The following ACIN1 variants were observed in gnomAD, a reference collection of about 807,000 sequenced individuals.
ACIN1 encodes apoptotic chromatin condensation inducer in the nucleus.
A neutral mutation model predicts 146.6 loss-of-function variants in ACIN1; 16 were observed. That is an observed-to-expected ratio of 0.11 (90% confidence interval 0.07 to 0.17). ACIN1 has a LOEUF of 0.17. Among genes scored for constraint, ACIN1 ranks in the 10% least tolerant of loss-of-function variants. The pLI, the probability that ACIN1 is intolerant of heterozygous loss-of-function variation, is 1.00. For synonymous variants in ACIN1, 569 were observed against 582.7 expected (o/e 0.98, Z 0.34); for missense variants, 1,357 against 1,609.3 (o/e 0.84, Z 2.68).
intron 14 of ACIN1, 84 bp from the exon 15 acceptor site, chr14:23,062,607 G>T: frequency 7.6e-7 from 1 of 1,319,650 alleles, no homozygotes; most frequent in Non-Finnish European, 1.1e-6. Flanking sequence ...GCTGTCACAG[G>T]AGTATAGTTT....
chr14:23,086,108 T>C (rs2140206613), intron 4 of ACIN1, among the ~76,000 whole-genome samples: 1 of 152,152 alleles, frequency 6.6e-6, no homozygotes, highest in Non-Finnish European at 1.5e-5. Flanking sequence ...TAACCTTAGG[T>C]GTGAATAAGA....
intron 5 of ACIN1, 137 bp from the exon 6 acceptor site, chr14:23,080,946 G>A (rs2047928550): frequency 1.6e-5 from 23 of 1,458,020 alleles, no homozygotes; most frequent in Non-Finnish European, 2.1e-5. Flanking sequence ...AGGAGTGACA[G>A]GAGACAATCA....
intron 8 of ACIN1, chr14:23,071,677 G>GGGAGCC: frequency 9.9e-7 from 1 of 1,010,462 alleles, no homozygotes; most frequent in Non-Finnish European, 1.4e-6. Flanking sequence ...GCAGGCCACA[G>GGGAGCC]GGAGCCGACT....
intron 3 of ACIN1, among the ~76,000 whole-genome samples, 175 bp from the exon 4 acceptor site, chr14:23,090,276 T>G (rs978764725): frequency 6.6e-6 from 1 of 152,218 alleles, no homozygotes; most frequent in South Asian, 2.1e-4. Flanking sequence ...ATCTAAATGG[T>G]AGCTTAATTT....
Position 23,079,848 on chromosome 14 carries a change from T to G in ACIN1, c.1487A>C (p.Gln496Pro), listed in dbSNP as rs200642223. ...EECLKQPSLE[Q>P]KEGRRASHTL... ...ATGAGAAGCTCTTCTGCCTTCCTTC[T>G]GTTCCAAAGATGGCTGTTTCAGACA... is the stretch of plus-strand genomic sequence containing the variant. The change falls in exon 6 of 19, where the codon CAG (glutamine) becomes CCG (proline). Residue 496 changes from glutamine (Q) to proline (P), a missense_variant. Gln to Pro is a moderately conservative substitution (Grantham distance 76, BLOSUM62 -1). Transcript: ENST00000605057. 8 of 1,614,106 alleles carry G rather than the reference T, an allele frequency of 5.0e-6. No homozygotes were observed. Among genetic ancestry groups the G allele is most frequent in the African/African-American group, 4.0e-5 (3 of 74,938 alleles).
At chr14:23,062,133 GCCCCTCC>G in intron 16 of ACIN1, 28 bp downstream of exon 16, 30 of 1,550,452 alleles carry the variant, frequency 1.9e-5, no homozygotes, top group Non-Finnish European at 2.4e-5. Context: ...GGCTTCCCCT[GCCCCTCC>G]TCTCTTTCCT....
At chr14:23,070,170 T>C (rs1294387671) in intron 8 of ACIN1, among the ~76,000 whole-genome samples, 1 of 110,688 alleles carries the variant, frequency 9.0e-6, no homozygotes, top group East Asian at 3.2e-4. Flanking sequence ...CCTCAGGATC[T>C]GGAGACACCA....
chr14:23,066,058 CAG>C (rs1438017634), intron 9 of ACIN1, 50 bp from the exon 10 acceptor site: 1 of 1,531,732 alleles, frequency 6.5e-7, no homozygotes, highest in Admixed American at 1.7e-5. Flanking sequence ...AGACACCCCA[CAG>C]AGAGGGGGGA....
At chr14:23,083,678 G>A (rs558875102) in intron 4 of ACIN1, among the ~76,000 whole-genome samples, 6 of 152,058 alleles carry the variant, frequency 3.9e-5, no homozygotes, top group Non-Finnish European at 8.8e-5. Context: ...GCAGTGAGTC[G>A]AGATCGCGCC....
At position 23,077,634 on chromosome 14, in the gene ACIN1, G is replaced by C. The variant is rs148816098; in HGVS notation, c.2123+517C>G. ...CCAGGAACAAACTTCTGACTTGAAA[G>C]GAACTTCATAATTTGCTGTACTGTA... is the stretch of plus-strand genomic sequence containing the variant. On this transcript the variant is annotated intron_variant, in intron 8 of 18. Transcript: ENST00000605057. Among the ~76,000 whole-genome samples, 136 of 152,272 alleles carry C rather than the reference G, an allele frequency of 8.9e-4. 1 individual carries two copies. Among genetic ancestry groups the C allele is most frequent in the Admixed American group, 3.5e-3 (53 of 15,294 alleles).
In ACIN1 at chr14:23,068,549, A is replaced by G. The variant is rs1487374569; in HGVS notation, c.2265+927T>C. 9 of 985,824 alleles carry G rather than the reference A, an allele frequency of 9.1e-6. No homozygotes were observed. Among genetic ancestry groups the G allele is most frequent in the Non-Finnish European group, 1.1e-5 (9 of 829,970 alleles). 61.1% of individuals were successfully genotyped at this position (985,824 alleles called of 1,614,324 possible). On this transcript the variant is annotated intron_variant, in intron 9 of 18. Transcript: ENST00000605057. The surrounding 1 kb of genome is among the most constrained non-coding windows in gnomAD (Gnocchi z 4.3). ...CCCCCTCTGGCCAAGACACCTGGAT[A>G]GCAGACTTGGCTCTGATTGGGCAGC...
At chr14:23,093,797 G>A (rs989675872) in intron 1 of ACIN1, among the ~76,000 whole-genome samples, 1 of 152,156 alleles carries the variant, frequency 6.6e-6, no homozygotes, top group Non-Finnish European at 1.5e-5. Flanking sequence ...TCAGTGACCT[G>A]GCTATGTCAT....
intron 2 of ACIN1, among the ~76,000 whole-genome samples, chr14:23,091,843 C>G (rs2140243352): frequency 6.6e-6 from 1 of 152,240 alleles, no homozygotes; most frequent in Admixed American, 6.5e-5. Context: ...AGGCTGGTCT[C>G]AAACTCCTGA....
intron 4 of ACIN1, among the ~76,000 whole-genome samples, chr14:23,085,815 G>A (rs1178469710): frequency 1.3e-5 from 2 of 152,208 alleles, no homozygotes; most frequent in East Asian, 1.9e-4. Flanking sequence ...GACAGTGAGC[G>A]CTTTAGCTAA....
chr14:23,090,806 G>C (rs1467262867), intron 2 of ACIN1, among the ~76,000 whole-genome samples, 173 bp from the exon 3 acceptor site: 1 of 152,168 alleles, frequency 6.6e-6, no homozygotes, highest in East Asian at 1.9e-4. Flanking sequence ...GAATAGCCTT[G>C]AGTCACACAC....
chr14:23,065,945 G>C (rs1462072804), intron 10 of ACIN1, 21 bp downstream of exon 10: 3 of 1,610,710 alleles, frequency 1.9e-6, no homozygotes, highest in Non-Finnish European at 2.5e-6. Flanking sequence ...ACTTTTATCA[G>C]GGATTTGGGG....
Position 23,079,821 on chromosome 14 carries a change from G to C in ACIN1, c.1514C>G (p.Thr505Ser). 6.2e-7 allele frequency: 1 copy of C among 1,614,182 alleles called. No individual in the cohort carries two copies. The highest frequency in any genetic ancestry group is 8.5e-7 in the Non-Finnish European group (1 of 1,180,042). Residue 505 changes from threonine (T) to serine (S), a missense_variant, in exon 6 of 19, where the codon ACC (threonine) becomes AGC (serine). By Grantham distance (58) the Thr-to-Ser change is moderately conservative. Transcript: ENST00000605057. ...TTTCAATCTGTGGCTTGGGAGAAGG[G>C]TATGAGAAGCTCTTCTGCCTTCCTT... is the stretch of plus-strand genomic sequence containing the variant. ...EQKEGRRASH[T>S]LLPSHRLKQS...
intron 9 of ACIN1, chr14:23,069,197 T>C (rs892208586): frequency 5.3e-6 from 6 of 1,137,574 alleles, no homozygotes; most frequent in African/African-American, 1.6e-5. Context: ...AAATCTTAGA[T>C]AAAGGGCCAT....
At chr14:23,073,349 C>A (rs1270945778) in intron 8 of ACIN1, among the ~76,000 whole-genome samples, 1 of 152,162 alleles carries the variant, frequency 6.6e-6, no homozygotes, top group Non-Finnish European at 1.5e-5. Flanking sequence ...TGGACACTTA[C>A]TAAATGCTTG....
Sources: allele counts gnomAD v4.1 joint callset (sites outside exome capture counted in the v4.1 genomes callset), GRCh38; gene constraint gnomAD v4.1.1; non-coding constraint Gnocchi (gnomAD v3.1); transcripts MANE v1.5; gene names NCBI Gene and HGNC (gene_info 2026-07-23, HGNC 2026-07-21).